The following ARHGEF38 variants were observed in gnomAD, a reference collection of about 807,000 sequenced individuals.
The protein encoded by ARHGEF38 is Rho guanine nucleotide exchange factor (GEF) 38.
A neutral mutation model predicts 79.9 loss-of-function variants in ARHGEF38; 79 were observed. That is an observed-to-expected ratio of 0.99 (90% confidence interval 0.82 to 1.19). ARHGEF38 has a LOEUF of 1.19. Among genes scored for constraint, ARHGEF38 ranks in the 50% most tolerant of loss-of-function variants. The probability of loss-of-function intolerance (pLI) is 0.00; values close to 1 mark genes in which losing one functional copy is unlikely to be tolerated. For missense variants in ARHGEF38, 962 were observed against 907.2 expected (o/e 1.06, Z -0.78); for synonymous variants, 366 against 328.3 (o/e 1.11, Z -1.24).
At chr4:105,661,755 C>T (rs1418247428) in intron 10 of ARHGEF38, among the ~76,000 whole-genome samples, 2 of 151,974 alleles carry the variant, frequency 1.3e-5, no homozygotes, top group Non-Finnish European at 2.9e-5. Flanking sequence ...CATGACCATT[C>T]CCAGGCACCT....
chr4:105,601,897 T>C (rs974635891), intron 2 of ARHGEF38, among the ~76,000 whole-genome samples: 5 of 152,200 alleles, frequency 3.3e-5, no homozygotes, highest in African/African-American at 9.6e-5. Context: ...CTATATTTAA[T>C]ACAATATATT....
chr4:105,647,061 A>G (rs372968740), intron 6 of ARHGEF38, among the ~76,000 whole-genome samples: 20 of 152,300 alleles, frequency 1.3e-4, no homozygotes, highest in African/African-American at 4.8e-4. Context: ...TGTTTTAAAA[A>G]TAAGAAGACT....
chr4:105,662,013 G>A (rs866253489), intron 10 of ARHGEF38, among the ~76,000 whole-genome samples: 31 of 152,210 alleles, frequency 2.0e-4, no homozygotes, highest in African/African-American at 6.7e-4. Flanking sequence ...GGGTAAAGAC[G>A]TATGTAATTT....
chr4:105,655,452 G>A (rs2110557181), intron 8 of ARHGEF38, 151 bp from the exon 9 acceptor site: 1 of 798,312 alleles, frequency 1.3e-6, no homozygotes, highest in South Asian at 2.2e-5. Context: ...CAACCTGATT[G>A]TACAGAGCAT....
intron 1 of ARHGEF38, among the ~76,000 whole-genome samples, chr4:105,578,696 A>G (rs1462038624): frequency 6.6e-6 from 1 of 152,138 alleles, no homozygotes; most frequent in Non-Finnish European, 1.5e-5. Flanking sequence ...TGTTGCTTTA[A>G]GGTCTGTGTG....
chr4:105,676,507 T>C (rs1731121598), intron 13 of ARHGEF38, among the ~76,000 whole-genome samples: 1 of 152,132 alleles, frequency 6.6e-6, no homozygotes, highest in African/African-American at 2.4e-5. Flanking sequence ...ATTAAATAAA[T>C]GAATGGGAAT....
Position 105,678,305 on chromosome 4 carries a change from A to G in ARHGEF38, c.*368A>G, listed in dbSNP as rs1255818518. ...TTTACTGTATGATGTATTTTGCCTT[A>G]AATGTTTTTGTTTTTCATATTGCTC... On this transcript the variant is annotated 3_prime_UTR_variant, in exon 14 of 14. Coordinates refer to ENST00000420470, the MANE Select transcript of ARHGEF38 (RefSeq NM_001242729.2). The G allele has an allele frequency of 1.2e-5, 2 of 167,738 alleles. No individual in the cohort carries two copies. The highest frequency in any genetic ancestry group is 3.3e-4 in the East Asian group (2 of 6,076). The allele number at this position is 167,738 out of a possible 1,614,324, so 10.4% of individuals were successfully genotyped here. A position where few individuals can be genotyped will look rare whatever the true frequency, so the allele number is the denominator to read the frequency against.
chr4:105,613,635 C>G, intron 3 of ARHGEF38, 128 bp downstream of exon 3: 1 of 1,002,976 alleles, frequency 1.0e-6, no homozygotes, highest in Non-Finnish European at 1.4e-6. Flanking sequence ...CTAAACCCAT[C>G]TTTGGGCTCA....
chr4:105,571,378 A>G (rs1726225477), intron 1 of ARHGEF38, among the ~76,000 whole-genome samples: 2 of 135,674 alleles, frequency 1.5e-5, no homozygotes, highest in South Asian at 4.5e-4. Flanking sequence ...GCTGGAGTGC[A>G]ATGGCGCAAT....
In ARHGEF38 at chr4:105,616,579, C is replaced by T. The variant is rs968535450; in HGVS notation, c.508+3072C>T. On this transcript the variant is annotated intron_variant, in intron 3 of 13. Transcript: ENST00000420470. ...ACCCCCATGATTCAATCACCTCCCA[C>T]CAGGCCCCTCCCCCATCACCTGGGG... Among the ~76,000 whole-genome samples the T allele has an allele frequency of 2.0e-5, 3 of 152,116 alleles. No individual in the cohort carries two copies. In the East Asian group the frequency reaches 5.8e-4, roughly 29 times the overall value.
chr4:105,659,507 A>G, intron 10 of ARHGEF38, 142 bp downstream of exon 10: 1 of 874,322 alleles, frequency 1.1e-6, no homozygotes, highest in South Asian at 1.8e-5. Context: ...ATCCAGTCAG[A>G]TAGTCTCCTG....
In ARHGEF38 at chr4:105,552,735, T is replaced by C; in HGVS notation, c.-31T>C. 1 of 1,570,480 alleles carries C rather than the reference T, an allele frequency of 6.4e-7. No homozygotes were observed. Among genetic ancestry groups the C allele is most frequent in the African/African-American group, 1.4e-5 (1 of 73,120 alleles). ...GGCACCTTAGCAATCAGCCATTGCC[T>C]GCAAGCCTCCAAAGCTTGTCTTTGC... On this transcript the variant is annotated 5_prime_UTR_variant, in exon 1 of 14. Transcript: ENST00000420470.
At chr4:105,650,736 TACATTCTTAGA>T (rs1202290860) in intron 7 of ARHGEF38, among the ~76,000 whole-genome samples, 1 of 152,194 alleles carries the variant, frequency 6.6e-6, no homozygotes, top group Non-Finnish European at 1.5e-5. Context: ...TACCAACATG[TACATTCTTAGA>T]ACACAAGGCT....
intron 2 of ARHGEF38, among the ~76,000 whole-genome samples, chr4:105,590,676 G>A (rs1269928312): frequency 6.6e-6 from 1 of 152,120 alleles, no homozygotes; most frequent in Non-Finnish European, 1.5e-5. Context: ...GAAATTAATT[G>A]TTAGGTCAAA....
At chr4:105,565,521 G>A (rs1725844545) in intron 1 of ARHGEF38, among the ~76,000 whole-genome samples, 2 of 152,114 alleles carry the variant, frequency 1.3e-5, no homozygotes, top group African/African-American at 4.8e-5. Context: ...ATCATATCTG[G>A]GGGTTTCGTA....
chr4:105,639,945 T>C (rs930969092), intron 5 of ARHGEF38, among the ~76,000 whole-genome samples: 1 of 152,048 alleles, frequency 6.6e-6, no homozygotes, highest in Non-Finnish European at 1.5e-5. Flanking sequence ...TCAAGAAAAA[T>C]AGTAATCCCC....
chr4:105,561,770 T>C (rs935015213), intron 1 of ARHGEF38: 2 of 152,120 alleles, frequency 1.3e-5, no homozygotes, highest in African/African-American at 2.4e-5. Flanking sequence ...AACATTTTTA[T>C]GTGTCGTAGG....
intron 2 of ARHGEF38, among the ~76,000 whole-genome samples, chr4:105,603,068 G>A (rs1578301160): frequency 6.6e-6 from 1 of 152,242 alleles, no homozygotes; most frequent in East Asian, 1.9e-4. Context: ...AACATCTGAA[G>A]CACTTGTCTA....
chr4:105,655,671 G>A lies in ARHGEF38; in HGVS notation c.1182G>A (p.Glu394=). ...LQEISYNKDD[E]MDYSETLSNA... The stretch of plus-strand genomic sequence containing the variant: ...AGATTTCATACAACAAAGACGATGA[G>A]ATGGACTATTCTGAGACCCTAAGTA... Residue 394 remains glutamate (E), a synonymous_variant, in exon 9 of 14, where the codon GAG becomes GAA. Transcript: ENST00000420470. 6.5e-7 allele frequency: 1 copy of A among 1,535,876 alleles called. No individual in the cohort carries two copies.
Sources: gnomAD v4.1 joint callset for allele counts (sites outside exome capture counted in the v4.1 genomes callset) on GRCh38, gnomAD v4.1.1 for gene constraint, MANE v1.5 for transcripts, NCBI Gene and HGNC (gene_info 2026-07-23, HGNC 2026-07-21) for gene names.